KLHL6: variants seen among roughly 807,000 people sequenced by gnomAD.
KLHL6 encodes the protein kelch-like protein 6.
Under a neutral mutation model 58.6 loss-of-function variants are expected in KLHL6, and 41 were observed. That is an observed-to-expected ratio of 0.70 (90% CI 0.55 to 0.91). KLHL6 has a LOEUF of 0.91. KLHL6 is among the 40% of genes least tolerant of loss of function. KLHL6 has a pLI of 0.00. For synonymous variants in KLHL6, 338 were observed against 322.7 expected, an observed-to-expected ratio of 1.05 and a Z score of -0.51; for missense variants, 714 against 805.6, an observed-to-expected ratio of 0.89 and a Z score of 1.38.
intron 1 of KLHL6, among the ~76,000 whole-genome samples, chr3:183,552,717 CA>C (rs1169148282): frequency 0.057 from 2,723 of 47,654 alleles, 21 homozygotes; most frequent in East Asian, 0.19. Flanking sequence ...GACTCCGTCT[CA>C]AAAAAAAAAA....
chr3:183,503,115 A>T (rs1717914212), intron 3 of KLHL6, among the ~76,000 whole-genome samples: 1 of 152,264 alleles, frequency 6.6e-6, no homozygotes, highest in South Asian at 2.1e-4. Flanking sequence ...ACAATCAGGC[A>T]TAACCAGTTT....
intron 1 of KLHL6, among the ~76,000 whole-genome samples, chr3:183,534,105 A>AAAAGT (rs1553812553): frequency 1.6e-5 from 2 of 126,302 alleles, no homozygotes; most frequent in Non-Finnish European, 3.2e-5. Context: ...AAAGTACTTT[A>AAAAGT]AAAGTACTTT....
chr3:183,498,418 T>C (rs550368381), intron 4 of KLHL6, among the ~76,000 whole-genome samples: 69 of 152,260 alleles, frequency 4.5e-4, no homozygotes, highest in African/African-American at 1.6e-3. Flanking sequence ...GAAGGGAAGC[T>C]TGTCTCCTTC....
intron 4 of KLHL6, among the ~76,000 whole-genome samples, chr3:183,496,295 A>G (rs576999717): frequency 1.1e-3 from 165 of 152,136 alleles, no homozygotes; most frequent in African/African-American, 3.7e-3. Context: ...TGGTAAATAT[A>G]TATTTACCAT....
chr3:183,492,372 G>C lies in KLHL6; in HGVS notation c.1564+122C>G. The C allele has an allele frequency of 2.3e-6, 3 of 1,303,518 alleles. No homozygotes were observed. Among genetic ancestry groups the C allele is most frequent in the East Asian group, 2.5e-5 (1 of 40,208 alleles). The allele number at this position is 1,303,518 out of a possible 1,614,324, so 80.7% of individuals were successfully genotyped here. On this transcript the variant is annotated intron_variant, in intron 6 of 6. Coordinates refer to ENST00000341319, the MANE Select transcript of KLHL6 (RefSeq NM_130446.4). This position sits in a 1 kb window ranked among gnomAD's most constrained non-coding sequence, Gnocchi z 5.9. ...CGATTGATGGCTCTCCTGAAAGCCA[G>C]AGTGGGTCCTAGGGGCAGTGAGTTG...
At chr3:183,520,042 G>A (rs571459939) in intron 2 of KLHL6, among the ~76,000 whole-genome samples, 6 of 152,084 alleles carry the variant, frequency 3.9e-5, no homozygotes, top group East Asian at 3.9e-4. Context: ...TCAAAAGCAG[G>A]CAAAACTAAC....
At position 183,489,054 on chromosome 3, in the gene KLHL6, A is replaced by G. The variant is rs1381056962; in HGVS notation, c.*2873T>C. The G allele has an allele frequency of 6.6e-6, 1 of 152,268 alleles. No individual in the cohort carries two copies. The highest frequency in any genetic ancestry group is 1.5e-5 in the Non-Finnish European group (1 of 68,064). The allele number at this position is 152,268 out of a possible 1,614,324, so 9.4% of individuals were successfully genotyped here. ...GGGTCCTACATTTAGAATCAGGTTT[A>G]TAGCACAGAAATCCCAAATCCTCAC... On this transcript the variant is annotated 3_prime_UTR_variant, in exon 7 of 7. Transcript: ENST00000341319.
At position 183,489,840 on chromosome 3, in the gene KLHL6, G is replaced by C. The variant is rs1169678562; in HGVS notation, c.*2087C>G. On this transcript the variant is annotated 3_prime_UTR_variant, in exon 7 of 7. Transcript: ENST00000341319. ...GTAATTTTTCAAGTTTTTAAAATCTGTTTCAAATATTAGCTTCTTCTAACC... is the reference window on the plus strand; with the variant it reads ...GTAATTTTTCAAGTTTTTAAAATCTCTTTCAAATATTAGCTTCTTCTAACC... 1 of 152,106 alleles carries C rather than the reference G, an allele frequency of 6.6e-6. No homozygotes were observed. Among genetic ancestry groups the C allele is most frequent in the Non-Finnish European group, 1.5e-5 (1 of 68,030 alleles). The allele number at this position is 152,106 out of a possible 1,614,324, so 9.4% of individuals were successfully genotyped here. A position where few individuals can be genotyped will look rare whatever the true frequency, so the allele number is the denominator to read the frequency against.
chr3:183,519,387 T>C (rs1711666684), intron 2 of KLHL6, among the ~76,000 whole-genome samples: 1 of 152,118 alleles, frequency 6.6e-6, no homozygotes, highest in Admixed American at 6.5e-5. Flanking sequence ...CTCCAGTGGG[T>C]GCCACATGGA....
At chr3:183,513,885 G>A (rs1011068579) in intron 2 of KLHL6, among the ~76,000 whole-genome samples, 5 of 151,864 alleles carry the variant, frequency 3.3e-5, no homozygotes, top group African/African-American at 9.7e-5. Flanking sequence ...TCCACCACCC[G>A]ACAGGCCCCA....
At chr3:183,524,267 C>G (rs1311811599) in intron 2 of KLHL6, among the ~76,000 whole-genome samples, 1 of 152,158 alleles carries the variant, frequency 6.6e-6, no homozygotes, top group Non-Finnish European at 1.5e-5. Flanking sequence ...GAAAGGGAGA[C>G]CTTTGGCTTC....
At chr3:183,520,441 T>G (rs1711717442) in intron 2 of KLHL6, 1 of 151,650 alleles carries the variant, frequency 6.6e-6, no homozygotes, top group Non-Finnish European at 1.5e-5. Flanking sequence ...AGAGACAAAG[T>G]ATAGAGAGAG....
chr3:183,534,116 A>G (rs1712270260), intron 1 of KLHL6, among the ~76,000 whole-genome samples: 1 of 123,810 alleles, frequency 8.1e-6, no homozygotes, highest in Admixed American at 8.9e-5. Context: ...AAAGTACTTT[A>G]CTTTTAAAGT....
At chr3:183,536,002 C>T (rs1250560005) in intron 1 of KLHL6, among the ~76,000 whole-genome samples, 1 of 152,216 alleles carries the variant, frequency 6.6e-6, no homozygotes, top group Non-Finnish European at 1.5e-5. Context: ...TCTCGATCTC[C>T]TGACCTCATG....
rs1297710259 is a variant in KLHL6 at position 183,527,046 on chromosome 3, C to T, written c.459+799G>A. ...CCCGGGAGGCAGAGGTTGCAGGGGGCCAAGATGGTGCCATTGCATTCCAGC... is the reference window on the plus strand; with the variant it reads ...CCCGGGAGGCAGAGGTTGCAGGGGGTCAAGATGGTGCCATTGCATTCCAGC... On this transcript the variant is annotated intron_variant, in intron 2 of 6. Transcript: ENST00000341319. Among the ~76,000 whole-genome samples the T allele has an allele frequency of 2.6e-5, 4 of 151,686 alleles. No individual in the cohort carries two copies. The South Asian group carries it at 8.3e-4, about 32-fold the overall frequency.
chr3:183,491,950 C>A lies in KLHL6; in HGVS notation c.1843G>T (p.Val615Leu). 1 of 1,521,474 alleles carries A rather than the reference C, an allele frequency of 6.6e-7. No individual in the cohort carries two copies. Among genetic ancestry groups the A allele is most frequent in the Non-Finnish European group, 8.8e-7 (1 of 1,132,226 alleles). 94.2% of individuals were successfully genotyped at this position (1,521,474 alleles called of 1,614,324 possible). ...RKSYTHIRRIVPGAVSV is the reference protein window; with the variant it reads ...RKSYTHIRRILPGAVSV Reference sequence around the variant, plus strand: ...CGTCAGACAGACACTGCTCCGGGCACGATCCTGCGGATGTGGGTGTACGAC... The same window carrying A: ...CGTCAGACAGACACTGCTCCGGGCAAGATCCTGCGGATGTGGGTGTACGAC... Residue 615 changes from valine (V) to leucine (L), a missense_variant, in exon 7 of 7, where the codon GTG (valine) becomes TTG (leucine). Around this residue, in one of 2 missense-constraint regions of KLHL6, gnomAD observed 510 missense variants for 629.7 expected, o/e 0.81. Coordinates refer to ENST00000341319, the MANE Select transcript of KLHL6 (RefSeq NM_130446.4).
intron 1 of KLHL6, among the ~76,000 whole-genome samples, chr3:183,531,180 A>G (rs915816812): frequency 6.6e-6 from 1 of 151,982 alleles, no homozygotes; most frequent in Non-Finnish European, 1.5e-5. Flanking sequence ...AGGGTGATTC[A>G]GAGATAATCA....
At chr3:183,523,710 T>TC (rs1553810776) in intron 2 of KLHL6, among the ~76,000 whole-genome samples, 1 of 50,948 alleles carries the variant, frequency 2.0e-5, no homozygotes, top group Non-Finnish European at 8.3e-5. Flanking sequence ...TTGTTTTTTT[T>TC]CCATAAGTTT....
At chr3:183,546,174 G>A (rs1712711145) in intron 1 of KLHL6, among the ~76,000 whole-genome samples, 1 of 152,228 alleles carries the variant, frequency 6.6e-6, no homozygotes, top group African/African-American at 2.4e-5. Flanking sequence ...GAGCAGAGGA[G>A]TGAACGTGCT....
Sources: gnomAD v4.1 joint callset for allele counts (sites outside exome capture counted in the v4.1 genomes callset) on GRCh38, gnomAD v4.1.1 for gene constraint, gnomAD v4.1.1 regional missense constraint, Gnocchi (gnomAD v3.1) non-coding constraint, MANE v1.5 for transcripts, NCBI Gene and HGNC (gene_info 2026-07-23, HGNC 2026-07-21) for gene names.